The following PTPN11 variants were observed in gnomAD, a reference collection of about 807,000 sequenced individuals.
PTPN11 encodes tyrosine-protein phosphatase non-receptor type 11.
In PTPN11, 6 loss-of-function variants were observed where a neutral mutation model predicts 78.8. The observed-to-expected ratio is 0.08, with a 90% CI of 0.04 to 0.15. The LOEUF is 0.15. PTPN11 is among the 10% of genes least tolerant of loss of function. PTPN11 has a pLI of 1.00. For synonymous variants in PTPN11, 221 were observed against 263.5 expected, an observed-to-expected ratio of 0.84 and a Z score of 1.56; for missense variants, 386 against 744.8, an observed-to-expected ratio of 0.52 and a Z score of 5.61.
At chr12:112,471,162 T>C (rs1382965480) in intron 6 of PTPN11, among the ~76,000 whole-genome samples, 1 of 152,214 alleles carries the variant, frequency 6.6e-6, no homozygotes, top group Non-Finnish European at 1.5e-5. Context: ...TTTACACTTG[T>C]GAAATTCAGA....
chr12:112,498,586 T>G (rs1458255393), intron 13 of PTPN11, among the ~76,000 whole-genome samples: 1 of 152,216 alleles, frequency 6.6e-6, no homozygotes, highest in African/African-American at 2.4e-5. Flanking sequence ...CAATACCTTC[T>G]CTCAATCTTG....
chr12:112,488,387 T>C (rs2038705747), intron 11 of PTPN11, 56 bp from the exon 12 acceptor site: 1 of 1,419,482 alleles, frequency 7.0e-7, no homozygotes, highest in Non-Finnish European at 1.0e-6. Flanking sequence ...TGGTTTTGAG[T>C]CTGAAACCCC....
intron 6 of PTPN11, among the ~76,000 whole-genome samples, chr12:112,460,965 T>A (rs1006666756): frequency 6.6e-6 from 1 of 152,202 alleles, no homozygotes; most frequent in Non-Finnish European, 1.5e-5. Context: ...GCAGATCATT[T>A]GTCCTGAGAG....
intron 13 of PTPN11, among the ~76,000 whole-genome samples, chr12:112,490,286 G>A (rs1459856794): frequency 1.3e-5 from 2 of 151,534 alleles, no homozygotes; most frequent in Non-Finnish European, 2.9e-5. Flanking sequence ...CTACAAGTTG[G>A]AGCATGTTCA....
intron 13 of PTPN11, among the ~76,000 whole-genome samples, chr12:112,501,781 T>C (rs2038876942): frequency 6.6e-6 from 1 of 152,240 alleles, no homozygotes; most frequent in Non-Finnish European, 1.5e-5. Context: ...CCCAGCTGTT[T>C]GCCTGAAAAA....
intron 13 of PTPN11, among the ~76,000 whole-genome samples, chr12:112,496,095 G>C (rs970197136): frequency 2.6e-5 from 4 of 152,168 alleles, no homozygotes; most frequent in African/African-American, 4.8e-5. Flanking sequence ...AGAAAGATTT[G>C]TTCCTTCTCT....
chr12:112,509,101 T>C lies in PTPN11; in HGVS notation c.*3309T>C, dbSNP rs766757908. On this transcript the variant is annotated 3_prime_UTR_variant, in exon 16 of 16. Transcript: ENST00000351677. ...TGCAGCTTTTGTTTTCTGTATGTTG[T>C]TGGGGGATCAACTTTCACACATAGC... 14 of 152,260 alleles carry C rather than the reference T, an allele frequency of 9.2e-5. No homozygotes were observed. The highest frequency in any genetic ancestry group is 1.5e-4 in the Non-Finnish European group (10 of 68,056). 9.4% of individuals were successfully genotyped at this position (152,260 alleles called of 1,614,324 possible).
At chr12:112,489,300 C>A in intron 13 of PTPN11, 125 bp downstream of exon 13, 1 of 1,166,274 alleles carries the variant, frequency 8.6e-7, no homozygotes, top group Middle Eastern at 1.9e-4. Context: ...GGGAAACAAA[C>A]TCCCAACTAA....
intron 13 of PTPN11, among the ~76,000 whole-genome samples, chr12:112,498,475 C>T (rs1566190874): frequency 6.6e-6 from 1 of 152,192 alleles, no homozygotes; most frequent in Non-Finnish European, 1.5e-5. Flanking sequence ...TCTCTTCCTG[C>T]TCTTGGCCTT....
At chr12:112,433,243 C>A (rs1258384728) in intron 1 of PTPN11, among the ~76,000 whole-genome samples, 4 of 152,046 alleles carry the variant, frequency 2.6e-5, no homozygotes, top group Admixed American at 2.6e-4. Context: ...ACACAAATAC[C>A]ATTGTGTTAC....
intron 3 of PTPN11, among the ~76,000 whole-genome samples, chr12:112,451,794 T>G (rs113689493): frequency 6.6e-6 from 1 of 152,366 alleles, no homozygotes; most frequent in South Asian, 2.1e-4. Flanking sequence ...TGAAGATCCT[T>G]TTTAATTGAG....
At chr12:112,442,830 T>TATA (rs2037917251) in intron 1 of PTPN11, among the ~76,000 whole-genome samples, 23 of 43,536 alleles carry the variant, frequency 5.3e-4, no homozygotes, top group African/African-American at 1.6e-3. Flanking sequence ...CTCTCTCTTT[T>TATA]TATATATATA....
chr12:112,436,806 T>C (rs2037799265), intron 1 of PTPN11, among the ~76,000 whole-genome samples: 1 of 152,090 alleles, frequency 6.6e-6, no homozygotes, highest in South Asian at 2.1e-4. Context: ...TTTAAGTTTC[T>C]TGGTTTCCAA....
chr12:112,426,449 G>A (rs550591580), intron 1 of PTPN11, among the ~76,000 whole-genome samples: 2 of 152,174 alleles, frequency 1.3e-5, no homozygotes, highest in South Asian at 4.1e-4. Flanking sequence ...TAGAGATGGG[G>A]TTTCACCATG....
intron 9 of PTPN11, 57 bp downstream of exon 9, chr12:112,478,072 G>T: frequency 6.3e-7 from 1 of 1,584,952 alleles, no homozygotes; most frequent in South Asian, 1.1e-5. Context: ...AGACATGTCA[G>T]ATTGGCCATG....
chr12:112,486,441 A>G, intron 10 of PTPN11, 34 bp from the exon 11 acceptor site: 1 of 1,576,430 alleles, frequency 6.3e-7, no homozygotes, highest in Non-Finnish European at 8.7e-7. Flanking sequence ...TGATTTATTT[A>G]ATTCTTTTCT....
intron 6 of PTPN11, among the ~76,000 whole-genome samples, chr12:112,465,050 G>T (rs574708118): frequency 4.8e-4 from 73 of 152,348 alleles, no homozygotes; most frequent in Admixed American, 3.5e-3. Context: ...TTATAATTCT[G>T]TAATTTTGTG....
chr12:112,499,565 C>T (rs1042248070), intron 13 of PTPN11, among the ~76,000 whole-genome samples: 2 of 152,050 alleles, frequency 1.3e-5, no homozygotes, highest in African/African-American at 2.4e-5. Context: ...GTCTTGAACT[C>T]CTAACCTCAA....
intron 1 of PTPN11, among the ~76,000 whole-genome samples, chr12:112,443,719 C>A (rs1015564419): frequency 1.7e-4 from 25 of 145,606 alleles, no homozygotes; most frequent in African/African-American, 6.4e-4. Context: ...GTGGTATGAT[C>A]TTGGCTCACT....
Sources: allele counts gnomAD v4.1 joint callset (sites outside exome capture counted in the v4.1 genomes callset), GRCh38; gene constraint gnomAD v4.1.1; transcripts MANE v1.5; gene names NCBI Gene and HGNC (gene_info 2026-07-23, HGNC 2026-07-21).